Variants in ADAM12 observed in about 807,000 individuals in gnomAD.
ADAM12 encodes the protein ADAM metallopeptidase domain 12.
Under a neutral mutation model 106.4 loss-of-function variants are expected in ADAM12, and 70 were observed. The observed-to-expected ratio is 0.66, with a 90% CI of 0.54 to 0.80. The LOEUF (loss-of-function observed/expected upper bound fraction) is 0.80, where lower values mean the gene tolerates loss of function less well. ADAM12 is among the 30% of genes least tolerant of loss of function. The pLI is 0.00. For missense variants in ADAM12, 1,010 were observed against 1,171.9 expected (o/e 0.86, Z 2.02); for synonymous variants, 420 against 433.5 (o/e 0.97, Z 0.39).
chr10:126,233,574 A>C (rs1958355916), intron 3 of ADAM12, among the ~76,000 whole-genome samples: 1 of 152,040 alleles, frequency 6.6e-6, no homozygotes, highest in South Asian at 2.1e-4. Flanking sequence ...GCTGCATGGG[A>C]GCTAGGAAGG....
chr10:126,071,095 C>T (rs1338029421), intron 12 of ADAM12, among the ~76,000 whole-genome samples: 1 of 152,162 alleles, frequency 6.6e-6, no homozygotes, highest in Non-Finnish European at 1.5e-5. Context: ...TATTCAGATT[C>T]CCCTCTGGTA....
At chr10:126,218,843 A>G (rs1312161652) in intron 3 of ADAM12, among the ~76,000 whole-genome samples, 2 of 152,190 alleles carry the variant, frequency 1.3e-5, no homozygotes, top group South Asian at 2.1e-4. Flanking sequence ...ATCTGTAGAG[A>G]TGTCCGGGGT....
chr10:126,354,041 T>TC (rs1016656363), intron 1 of ADAM12, among the ~76,000 whole-genome samples: 18 of 152,072 alleles, frequency 1.2e-4, no homozygotes, highest in African/African-American at 4.3e-4. Context: ...AAGCTTTTTT[T>TC]TTTTTTTAAA....
chr10:126,100,757 A>G (rs1565057207), intron 9 of ADAM12, among the ~76,000 whole-genome samples: 2 of 152,036 alleles, frequency 1.3e-5, no homozygotes, highest in African/African-American at 4.8e-5. Flanking sequence ...AAAATAGGCT[A>G]CTCAGAACAA....
rs1953599597 is a variant in ADAM12 at position 126,013,194 on chromosome 10, G to A, written c.*4085C>T. ...GAAGCTGCCATTACTGTTCCAAAAAGTAAAGGGGATTTTCTCTACAAAAGG... is the reference window on the plus strand; with the variant it reads ...GAAGCTGCCATTACTGTTCCAAAAAATAAAGGGGATTTTCTCTACAAAAGG... On this transcript the variant is annotated 3_prime_UTR_variant, in exon 23 of 23. Transcript: ENST00000448723. This position sits in a 1 kb window ranked among gnomAD's most constrained non-coding sequence, Gnocchi z 4.3. The A allele has an allele frequency of 6.6e-6, 1 of 152,298 alleles. No homozygotes were observed. The highest frequency in any genetic ancestry group is 3.4e-3 in the Middle Eastern group (1 of 294). 9.4% of individuals were successfully genotyped at this position (152,298 alleles called of 1,614,324 possible).
chr10:126,375,560 A>G (rs1315699630), intron 1 of ADAM12, among the ~76,000 whole-genome samples: 1 of 152,132 alleles, frequency 6.6e-6, no homozygotes, highest in Non-Finnish European at 1.5e-5. Context: ...TAATGGTACT[A>G]CTAAAACTGT....
chr10:126,219,363 G>T (rs1958047612), intron 3 of ADAM12, among the ~76,000 whole-genome samples: 1 of 152,086 alleles, frequency 6.6e-6, no homozygotes. Flanking sequence ...ATCACCTCAG[G>T]CCCCCATGCC....
chr10:126,194,278 CAAAAAAAAAA>C (rs35778124), intron 3 of ADAM12, among the ~76,000 whole-genome samples: 2 of 58,074 alleles, frequency 3.4e-5, no homozygotes, highest in African/African-American at 5.5e-5. Context: ...TTCATATGCT[CAAAAAAAAAA>C]AAAAAAAAAA....
In ADAM12 at chr10:126,335,916, A is replaced by G. The variant is rs377477572; in HGVS notation, c.89-5407T>C. 4.6e-5 allele frequency among the ~76,000 whole-genome samples: 7 copies of G among 152,114 alleles called. No homozygotes were observed. In the South Asian group the frequency reaches 1.4e-3, roughly 32 times the overall value. ...GTCTAATCATGAGATAAATTCCCAA[A>G]GAGGTACGCTCTAAAATATACCAAC... On this transcript the variant is annotated intron_variant, in intron 1 of 22. Transcript: ENST00000448723.
chr10:126,213,335 T>C (rs962005264), intron 3 of ADAM12, among the ~76,000 whole-genome samples: 1 of 152,350 alleles, frequency 6.6e-6, no homozygotes, highest in Non-Finnish European at 1.5e-5. Flanking sequence ...GTTCTTTAGA[T>C]AGAACACACT....
intron 3 of ADAM12, among the ~76,000 whole-genome samples, chr10:126,267,816 G>T (rs1959129125): frequency 6.6e-6 from 1 of 150,562 alleles, no homozygotes; most frequent in Non-Finnish European, 1.5e-5. Flanking sequence ...AAAAAGAGAG[G>T]TGGGGGGCGG....
Position 126,289,462 on chromosome 10 carries a change from C to T in ADAM12, c.187-10474G>A, listed in dbSNP as rs138548838. Reference sequence around the variant, plus strand: ...ATCCACGGGTACCAGCCCCTTGCAACGTTCAGTGTCGATGCCAGCTGCACT... The same window carrying T: ...ATCCACGGGTACCAGCCCCTTGCAATGTTCAGTGTCGATGCCAGCTGCACT... On this transcript the variant is annotated intron_variant, in intron 2 of 22. Transcript: ENST00000448723. Among the ~76,000 whole-genome samples, 923 of 152,324 alleles carry T rather than the reference C, an allele frequency of 6.1e-3. 14 individuals carry two copies. Among genetic ancestry groups the T allele is most frequent in the African/African-American group, 0.021 (855 of 41,576 alleles).
intron 5 of ADAM12, among the ~76,000 whole-genome samples, chr10:126,121,521 TATATAATTATATAATAATATATA>T (rs1956115616): frequency 7.0e-6 from 1 of 142,608 alleles, no homozygotes; most frequent in African/African-American, 2.6e-5. Context: ...AATTATATAT[TATATAATTATATAATAATATATA>T]ATCTTATATA....
chr10:126,109,770 C>A lies in ADAM12; in HGVS notation c.669+5G>T, dbSNP rs2133599893. On this transcript the variant is annotated splice_donor_5th_base_variant and intron_variant, in intron 7 of 22. Transcript: ENST00000448723. ...CCATACTGAGAAATTTTAAAAAGTT[C>A]TTACCTCTCGGTTGTCTGCCACGAT... The A allele has an allele frequency of 6.2e-7, 1 of 1,610,420 alleles. No individual in the cohort carries two copies. Among genetic ancestry groups the A allele is most frequent in the East Asian group, 2.2e-5 (1 of 44,858 alleles).
intron 1 of ADAM12, among the ~76,000 whole-genome samples, chr10:126,344,273 T>C (rs915351533): frequency 2.8e-4 from 43 of 152,204 alleles, no homozygotes; most frequent in Non-Finnish European, 5.0e-4. Context: ...ATTTATTAAA[T>C]AGGGAATCCT....
chr10:126,174,724 T>A (rs1231595865), intron 3 of ADAM12, among the ~76,000 whole-genome samples: 2 of 151,616 alleles, frequency 1.3e-5, no homozygotes, highest in African/African-American at 2.4e-5. Context: ...CCTATGATAA[T>A]GACATATTTG....
chr10:126,042,159 C>T (rs34265990), intron 18 of ADAM12: 80,198 of 1,613,702 alleles, frequency 0.05, 6,067 homozygotes, highest in East Asian at 0.34. Context: ...AGGCAGTAGA[C>T]GCATGCTCCT....
chr10:126,381,361 G>A (rs181021256), intron 1 of ADAM12, among the ~76,000 whole-genome samples: 5 of 152,004 alleles, frequency 3.3e-5, no homozygotes, highest in African/African-American at 7.2e-5. Flanking sequence ...AATAGGCTGC[G>A]TACCATGGTT....
chr10:126,042,900 G>A (rs986409772), intron 18 of ADAM12, 140 bp downstream of exon 18: 14 of 700,814 alleles, frequency 2.0e-5, no homozygotes, highest in Non-Finnish European at 3.2e-5. Context: ...AACTGCGGGA[G>A]ACCCTAGGCT....
Sources: allele counts gnomAD v4.1 joint callset (sites outside exome capture counted in the v4.1 genomes callset), GRCh38; gene constraint gnomAD v4.1.1; non-coding constraint Gnocchi (gnomAD v3.1); transcripts MANE v1.5; gene names NCBI Gene and HGNC (gene_info 2026-07-23, HGNC 2026-07-21).